DIP2B: variants seen among roughly 807,000 people sequenced by gnomAD.
The protein encoded by DIP2B is DIP2 acetate--CoA ligase B (putative).
In DIP2B, 76 loss-of-function variants were observed where a neutral mutation model predicts 198.0. The observed-to-expected ratio is 0.38, with a 90% confidence interval of 0.32 to 0.46. The LOEUF is 0.46. DIP2B is among the 20% of genes least tolerant of loss of function. DIP2B has a pLI of 0.99. For missense variants in DIP2B, 1,559 were observed against 1,978.4 expected (o/e 0.79, Z 4.02); for synonymous variants, 701 against 739.1 (o/e 0.95, Z 0.84).
chr12:50,661,458 G>A (rs1440998793), intron 4 of DIP2B, among the ~76,000 whole-genome samples: 2 of 152,148 alleles, frequency 1.3e-5, no homozygotes, highest in Non-Finnish European at 2.9e-5. Flanking sequence ...ATTTGGGTAT[G>A]CTGTGGGCTC....
chr12:50,610,667 G>C (rs1451850980), intron 1 of DIP2B, among the ~76,000 whole-genome samples: 1 of 151,832 alleles, frequency 6.6e-6, no homozygotes, highest in African/African-American at 2.4e-5. Flanking sequence ...CGCCATGCCC[G>C]GCTAATTTTT....
chr12:50,655,317 T>G (rs1348419495), intron 3 of DIP2B, among the ~76,000 whole-genome samples: 2 of 152,242 alleles, frequency 1.3e-5, no homozygotes, highest in East Asian at 3.8e-4. Context: ...TATACATGTC[T>G]GCTTATTTGT....
chr12:50,591,489 G>A (rs1336453580), intron 1 of DIP2B, among the ~76,000 whole-genome samples: 1 of 151,936 alleles, frequency 6.6e-6, no homozygotes, highest in African/African-American at 2.4e-5. Flanking sequence ...CCTGGCTGGA[G>A]TACAGTGGCA....
At position 50,747,551 on chromosome 12, in the gene DIP2B, T is replaced by C. The variant is rs1940356717; in HGVS notation, c.*2712T>C. On this transcript the variant is annotated 3_prime_UTR_variant, in exon 38 of 38. Transcript: ENST00000301180. ...TCACCTGCAGATTTAAAGCCTACTC[T>C]GCCACAGACTCGAGTAAGAAAATGT... 6.6e-6 allele frequency: 1 copy of C among 152,220 alleles called. No individual in the cohort carries two copies. The highest frequency in any genetic ancestry group is 6.5e-5 in the Admixed American group (1 of 15,282). 9.4% of individuals were successfully genotyped at this position (152,220 alleles called of 1,614,324 possible). A position where few individuals can be genotyped will look rare whatever the true frequency, so the allele number is the denominator to read the frequency against.
At chr12:50,633,698 T>G (rs1241984019) in intron 2 of DIP2B, among the ~76,000 whole-genome samples, 1 of 152,100 alleles carries the variant, frequency 6.6e-6, no homozygotes, top group African/African-American at 2.4e-5. Context: ...CCTGGGAGGT[T>G]GAGGCTGCAG....
intron 3 of DIP2B, among the ~76,000 whole-genome samples, chr12:50,647,627 T>G (rs1938373282): frequency 6.6e-6 from 1 of 152,180 alleles, no homozygotes; most frequent in Non-Finnish European, 1.5e-5. Flanking sequence ...AGGAATTCCT[T>G]GAACAATACC....
intron 1 of DIP2B, among the ~76,000 whole-genome samples, chr12:50,526,879 G>A (rs548771956): frequency 6.6e-6 from 1 of 151,900 alleles, no homozygotes; most frequent in African/African-American, 2.4e-5. Flanking sequence ...CAGGTAATAC[G>A]ACTACCCCGG....
Position 50,702,014 on chromosome 12 carries a change from C to T in DIP2B, c.2326-2126C>T, listed in dbSNP as rs373036285. 3.9e-4 allele frequency among the ~76,000 whole-genome samples: 59 copies of T among 152,130 alleles called. No individual in the cohort carries two copies. In the South Asian group the frequency reaches 4.8e-3, roughly 12 times the overall value. The stretch of plus-strand genomic sequence containing the variant: ...AGCAGTTGCTCATGCCTGTGATCCT[C>T]GCACTTTGAGAGGCTGAGGTGGGTG... On this transcript the variant is annotated intron_variant, in intron 19 of 37. Coordinates refer to ENST00000301180, the MANE Select transcript of DIP2B (RefSeq NM_173602.3).
chr12:50,599,788 G>C (rs1435907512), intron 1 of DIP2B, among the ~76,000 whole-genome samples: 2 of 152,150 alleles, frequency 1.3e-5, no homozygotes, highest in East Asian at 3.8e-4. Flanking sequence ...TGGAGTCACT[G>C]TTATTTATTA....
At chr12:50,633,386 G>T (rs1036132803) in intron 2 of DIP2B, 15 of 152,100 alleles carry the variant, frequency 9.9e-5, no homozygotes, top group African/African-American at 3.4e-4. Context: ...TAGAACATTA[G>T]ACCTGAGTAA....
chr12:50,580,251 C>G (rs1329401140), intron 1 of DIP2B, among the ~76,000 whole-genome samples: 1 of 148,772 alleles, frequency 6.7e-6, no homozygotes, highest in Non-Finnish European at 1.5e-5. Flanking sequence ...ACTGTTGCCC[C>G]AAACCTTCTG....
chr12:50,638,708 AGCATCTT>A lies in DIP2B; in HGVS notation c.173-2013_173-2007del, dbSNP rs1938200953. Among the ~76,000 whole-genome samples, 8 of 152,228 alleles carry A rather than the reference AGCATCTT, an allele frequency of 5.3e-5. No individual in the cohort carries two copies. In the South Asian group the frequency reaches 1.7e-3, roughly 32 times the overall value. On this transcript the variant is annotated intron_variant, in intron 2 of 37. Transcript: ENST00000301180. Reference sequence around the variant, plus strand: ...GTCAGGGAATGATTCACCTTGAGGCAGCATCTTGCCTGCCCAGCTGACATTACATATG... The same window carrying A: ...GTCAGGGAATGATTCACCTTGAGGCAGCCTGCCCAGCTGACATTACATATG...
At chr12:50,618,497 C>T (rs149717768) in intron 1 of DIP2B, among the ~76,000 whole-genome samples, 1 of 152,240 alleles carries the variant, frequency 6.6e-6, no homozygotes, top group Non-Finnish European at 1.5e-5. Context: ...TGACGATCAT[C>T]CTTCAAGACC....
chr12:50,718,892 A>G, intron 24 of DIP2B, 63 bp from the exon 25 acceptor site: 1 of 1,611,530 alleles, frequency 6.2e-7, no homozygotes, highest in East Asian at 2.2e-5. Flanking sequence ...CAGCTGGGGG[A>G]TGCATTATAT....
intron 1 of DIP2B, among the ~76,000 whole-genome samples, chr12:50,597,790 A>G (rs1037656436): frequency 2.6e-5 from 4 of 152,164 alleles, no homozygotes; most frequent in Non-Finnish European, 5.9e-5. Context: ...CTTTTTTTGT[A>G]ATTACATTTT....
rs138446396 is a variant in DIP2B, at chr12:50,659,635, T to C, written c.302-559T>C. ...TAGACATTCAAGTAGAGAGCTGAAA[T>C]TTTTTGTGCCCAAAGTGGCAAACAA... is the stretch of plus-strand genomic sequence containing the variant. On this transcript the variant is annotated intron_variant, in intron 3 of 37. Transcript: ENST00000301180. Among the ~76,000 whole-genome samples, 491 of 152,228 alleles carry C rather than the reference T, an allele frequency of 3.2e-3. 2 individuals carry two copies. The highest frequency in any genetic ancestry group is 0.011 in the African/African-American group (472 of 41,538).
At chr12:50,612,517 C>T (rs1343727523) in intron 1 of DIP2B, among the ~76,000 whole-genome samples, 1 of 150,732 alleles carries the variant, frequency 6.6e-6, no homozygotes, top group Non-Finnish European at 1.5e-5. Flanking sequence ...CAACCTCTGT[C>T]TCCCAGGCTC....
chr12:50,540,966 A>G (rs1958319734), intron 1 of DIP2B, among the ~76,000 whole-genome samples: 1 of 152,234 alleles, frequency 6.6e-6, no homozygotes. Context: ...CATTATGATT[A>G]AAAAATTCTT....
At chr12:50,525,782 G>C (rs530142191) in intron 1 of DIP2B, among the ~76,000 whole-genome samples, 1 of 152,174 alleles carries the variant, frequency 6.6e-6, no homozygotes, top group African/African-American at 2.4e-5. Context: ...CAAAGTGCCG[G>C]GGTTGCAGGT....
Sources: gnomAD v4.1 joint callset for allele counts (sites outside exome capture counted in the v4.1 genomes callset) on GRCh38, gnomAD v4.1.1 for gene constraint, MANE v1.5 for transcripts, NCBI Gene and HGNC (gene_info 2026-07-23, HGNC 2026-07-21) for gene names.